The following MED21 variants were observed in gnomAD, a reference collection of about 807,000 sequenced individuals.
MED21 encodes mediator of RNA polymerase II transcription subunit 21.
MED21 carries 9 observed loss-of-function variants against 18.2 expected under a neutral mutation model. The ratio of observed to expected loss-of-function variants is 0.49; its 90% CI spans 0.30 to 0.86. The LOEUF (loss-of-function observed/expected upper bound fraction) is 0.86. Among genes scored for constraint, MED21 ranks in the 40% least tolerant of loss-of-function variants. The pLI is 0.07. For missense variants in MED21, 150 were observed against 170.9 expected (o/e 0.88, Z 0.68); for synonymous variants, 73 against 60.5 (o/e 1.21, Z -0.96).
chr12:27,032,167 T>A (rs1941624243), downstream of MED21, among the ~76,000 whole-genome samples: 1 of 152,208 alleles, frequency 6.6e-6, no homozygotes, highest in South Asian at 2.1e-4. Flanking sequence ...ACGCCCCTGT[T>A]GAAATTTTCT....
Position 27,028,311 on chromosome 12 carries a change from A to G in MED21, c.285A>G (p.Glu95=). The change falls in exon 4 of 4, where the codon GAA becomes GAG. Residue 95 remains glutamate (E), a synonymous_variant. Transcript: ENST00000282892. ...CTGCTAGCTTGTATAAGCTAGAAGA[A>G]GAAAACCATGAAGCTGCTACATGTC... ...LQAASLYKLE[E]ENHEAATCLE... The G allele has an allele frequency of 6.2e-7, 1 of 1,614,048 alleles. No individual in the cohort carries two copies. The highest frequency in any genetic ancestry group is 8.5e-7 in the Non-Finnish European group (1 of 1,179,906).
intron 2 of MED21, among the ~76,000 whole-genome samples, chr12:27,036,714 G>T (rs368350336): frequency 1.3e-5 from 2 of 152,166 alleles, no homozygotes. Flanking sequence ...CCCATTGCTT[G>T]TTTTTCTCAG....
At position 27,028,926 on chromosome 12, in the gene MED21, T is replaced by A; in HGVS notation, c.*465T>A. 1.0e-6 allele frequency: 1 copy of A among 985,646 alleles called. No homozygotes were observed. The highest frequency in any genetic ancestry group is 4.7e-5 in the South Asian group (1 of 21,304). 61.1% of individuals were successfully genotyped at this position (985,646 alleles called of 1,614,324 possible). On this transcript the variant is annotated 3_prime_UTR_variant, in exon 4 of 4. Coordinates refer to ENST00000282892, the MANE Select transcript of MED21 (RefSeq NM_004264.5). ...TAAATCTGAGCTTTGAGCAAGAAAGTTTTGGAAATTGTGTTGCTTTTAAGA... is the reference window on the plus strand; with the variant it reads ...TAAATCTGAGCTTTGAGCAAGAAAGATTTGGAAATTGTGTTGCTTTTAAGA...
chr12:27,037,199 GC>G (rs912527404), intron 2 of MED21: 1 of 150,958 alleles, frequency 6.6e-6, no homozygotes, highest in African/African-American at 2.4e-5. Context: ...TCTCTTTGAA[GC>G]AATTGTGAAT....
intron 1 of MED21, chr12:27,022,833 C>G: frequency 1.3e-6 from 2 of 1,483,938 alleles, no homozygotes; most frequent in Non-Finnish European, 1.8e-6. Flanking sequence ...GGAGCAGACT[C>G]TTTCGCTTGA....
downstream of MED21, among the ~76,000 whole-genome samples, chr12:27,032,417 A>G (rs1394707309): frequency 6.6e-6 from 1 of 152,198 alleles, no homozygotes; most frequent in Non-Finnish European, 1.5e-5. Context: ...TGGAATAGAT[A>G]TCCTTATACT....
chr12:27,028,226 C>T lies in MED21; in HGVS notation c.259-59C>T, dbSNP rs892893877. 8 of 1,468,140 alleles carry T rather than the reference C, an allele frequency of 5.4e-6. No homozygotes were observed. In the African/African-American group the frequency reaches 5.6e-5, roughly 10 times the overall value. The allele number at this position is 1,468,140 out of a possible 1,614,324, so 90.9% of individuals were successfully genotyped here. On this transcript the variant is annotated intron_variant, in intron 3 of 3. Coordinates refer to ENST00000282892, the MANE Select transcript of MED21 (RefSeq NM_004264.5). ...AGTCATCCAGATTTAAAAATAAGTA[C>T]ATCTGTGACAGCTTCTCTTTCTAAA...
At position 27,030,122 on chromosome 12, in the gene MED21, G is replaced by GTTTTTT; in HGVS notation, c.*1665_*1670dup. 1.7e-6 allele frequency: 1 copy of GTTTTTT among 604,220 alleles called. No individual in the cohort carries two copies. Among genetic ancestry groups the GTTTTTT allele is most frequent in the Non-Finnish European group, 3.0e-6 (1 of 332,336 alleles). The allele number at this position is 604,220 out of a possible 1,614,324, so 37.4% of individuals were successfully genotyped here. A position where few individuals can be genotyped will look rare whatever the true frequency, so the allele number is the denominator to read the frequency against. On this transcript the variant is annotated 3_prime_UTR_variant, in exon 4 of 4. Transcript: ENST00000282892. ...TGTGATTCTCTGTAGAGGATATACA[G>GTTTTTT]TTTTTTTTTGTTGTTCTTGTTTCTG...
In MED21 at chr12:27,029,761, A is replaced by G; in HGVS notation, c.*1300A>G. On this transcript the variant is annotated 3_prime_UTR_variant, in exon 4 of 4. Transcript: ENST00000282892. ...CACTTTGCTATCAGATATTTGGCAT[A>G]AATCTGTACTCTTCATTATAGTTTT... 1.0e-6 allele frequency: 1 copy of G among 985,246 alleles called. No homozygotes were observed. Among genetic ancestry groups the G allele is most frequent in the Non-Finnish European group, 1.2e-6 (1 of 829,444 alleles). 61.0% of individuals were successfully genotyped at this position (985,246 alleles called of 1,614,324 possible). A position where few individuals can be genotyped will look rare whatever the true frequency, so the allele number is the denominator to read the frequency against.
At chr12:27,034,294 G>A, downstream of MED21, among the ~76,000 whole-genome samples, 1 of 151,950 alleles carries the variant, frequency 6.6e-6, no homozygotes, top group Non-Finnish European at 1.5e-5. Context: ...GTGGGCGCCT[G>A]TAATCCAATC....
rs1472194356 is a variant in MED21, at chr12:27,030,369, A to C, written c.*1908A>C. 5 of 431,778 alleles carry C rather than the reference A, an allele frequency of 1.2e-5. No individual in the cohort carries two copies. The highest frequency in any genetic ancestry group is 5.8e-4 in the Middle Eastern group (1 of 1,718). The allele number at this position is 431,778 out of a possible 1,614,324, so 26.7% of individuals were successfully genotyped here. Reference sequence around the variant, plus strand: ...AGGCTAATGCCAAACTGCTAACCTCAAGATATTAATACTATACAGTAGACT... The same window carrying C: ...AGGCTAATGCCAAACTGCTAACCTCCAGATATTAATACTATACAGTAGACT... On this transcript the variant is annotated 3_prime_UTR_variant, in exon 4 of 4. Coordinates refer to ENST00000282892, the MANE Select transcript of MED21 (RefSeq NM_004264.5).
At position 27,027,465 on chromosome 12, in the gene MED21, T is replaced by C. The variant is rs1941561411; in HGVS notation, c.258+18T>C. The C allele has an allele frequency of 6.4e-7, 1 of 1,570,526 alleles. No individual in the cohort carries two copies. On this transcript the variant is annotated intron_variant, in intron 3 of 3. Transcript: ENST00000282892. ...CTTTACAGGTAAGCCTCTATTCCTTTGAGAATTTTACCAGTAATAGAGAAT... is the reference window on the plus strand; with the variant it reads ...CTTTACAGGTAAGCCTCTATTCCTTCGAGAATTTTACCAGTAATAGAGAAT...
downstream of MED21, among the ~76,000 whole-genome samples, chr12:27,031,065 G>T (rs1333276209): frequency 6.6e-6 from 1 of 151,972 alleles, no homozygotes; most frequent in African/African-American, 2.4e-5. Context: ...GCACCACCAT[G>T]CCTGGCTAAT....
chr12:27,027,570 T>C (rs551013019), intron 3 of MED21, 123 bp downstream of exon 3: 2 of 652,594 alleles, frequency 3.1e-6, no homozygotes, highest in African/African-American at 3.7e-5. Context: ...GAGACAGTAA[T>C]TTATAAAGAA....
chr12:27,030,288 TC>T lies in MED21; in HGVS notation c.*1829del. 2.0e-6 allele frequency: 1 copy of T among 507,390 alleles called. No homozygotes were observed. The highest frequency in any genetic ancestry group is 3.5e-6 in the Non-Finnish European group (1 of 282,384). The allele number at this position is 507,390 out of a possible 1,614,324, so 31.4% of individuals were successfully genotyped here. The stretch of plus-strand genomic sequence containing the variant: ...GGGACTACAGGCATGTACTACCACG[TC>T]CAGCTAATTTTTTTTTTCTTTTTTT... On this transcript the variant is annotated 3_prime_UTR_variant, in exon 4 of 4. Transcript: ENST00000282892.
At chr12:27,036,303 A>G (rs564092361) in intron 2 of MED21, among the ~76,000 whole-genome samples, 3 of 152,004 alleles carry the variant, frequency 2.0e-5, no homozygotes, top group African/African-American at 7.2e-5. Context: ...TTTTCTTGTA[A>G]ATTTGTTGGA....
intron 1 of MED21, among the ~76,000 whole-genome samples, chr12:27,024,787 A>G (rs918640619): frequency 3.3e-5 from 5 of 152,168 alleles, no homozygotes; most frequent in African/African-American, 1.2e-4. Context: ...AATGTCAAAT[A>G]CTCAGGAGAC....
In MED21 at chr12:27,026,419, G is replaced by A. The variant is rs773638172; in HGVS notation, c.43-1G>A. On this transcript the variant is annotated splice_acceptor_variant, in intron 1 of 3. Coordinates refer to ENST00000282892, the MANE Select transcript of MED21 (RefSeq NM_004264.5). LOFTEE classifies it high-confidence loss of function. The stretch of plus-strand genomic sequence containing the variant: ...CCTTGATATGTTTTCTTTGGCCTAA[G>A]CTTGCAGATCAGTTTTGTAATGCCA... 1 of 1,605,194 alleles carries A rather than the reference G, an allele frequency of 6.2e-7. No homozygotes were observed.
At position 27,022,637 on chromosome 12, in the gene MED21, C is replaced by T; in HGVS notation, c.42+16C>T. 6.2e-7 allele frequency: 1 copy of T among 1,602,220 alleles called. No homozygotes were observed. Among genetic ancestry groups the T allele is most frequent in the Non-Finnish European group, 8.5e-7 (1 of 1,171,768 alleles). On this transcript the variant is annotated intron_variant, in intron 1 of 3. Transcript: ENST00000282892. ...TGTGAATTCGGTGAGGAATTTCATT[C>T]GATTAGCCTCTGTCTTTCTCTTTCT...
Sources: gnomAD v4.1 joint callset for allele counts (sites outside exome capture counted in the v4.1 genomes callset) on GRCh38, gnomAD v4.1.1 for gene constraint, MANE v1.5 for transcripts, NCBI Gene and HGNC (gene_info 2026-07-23, HGNC 2026-07-21) for gene names.